ADAMTS3: variants seen among roughly 807,000 people sequenced by gnomAD.
ADAMTS3 encodes the protein A disintegrin and metalloproteinase with thrombospondin motifs 3.
A neutral mutation model predicts 129.0 loss-of-function variants in ADAMTS3; 73 were observed. The observed-to-expected ratio is 0.57, with a 90% CI of 0.47 to 0.69. ADAMTS3 has a LOEUF of 0.69. ADAMTS3 is among the 30% of genes least tolerant of loss of function. ADAMTS3 has a pLI of 0.00. For missense variants in ADAMTS3, 1,457 were observed against 1,514.5 expected (o/e 0.96, Z 0.63); for synonymous variants, 477 against 510.8 (o/e 0.93, Z 0.89).
At chr4:72,480,283 T>C (rs1476719102) in intron 3 of ADAMTS3, among the ~76,000 whole-genome samples, 1 of 152,116 alleles carries the variant, frequency 6.6e-6, no homozygotes, top group Admixed American at 6.5e-5. Context: ...TAGCAAAGAC[T>C]TGGAACCAAC....
chr4:72,354,039 G>GT (rs1302857372), intron 4 of ADAMTS3, among the ~76,000 whole-genome samples: 2 of 151,946 alleles, frequency 1.3e-5, no homozygotes, highest in Non-Finnish European at 2.9e-5. Flanking sequence ...TTCAGAAAGT[G>GT]TACCAAAGGC....
At chr4:72,398,592 C>A (rs1289358977) in intron 4 of ADAMTS3, among the ~76,000 whole-genome samples, 3 of 151,794 alleles carry the variant, frequency 2.0e-5, no homozygotes, top group African/African-American at 7.3e-5. Context: ...TAAATAAATA[C>A]ATACATACAT....
intron 3 of ADAMTS3, 77 bp from the exon 4 acceptor site, chr4:72,415,048 T>G (rs1216895668): frequency 9.0e-7 from 1 of 1,109,126 alleles, no homozygotes; most frequent in Non-Finnish European, 1.2e-6. Context: ...TCTTTTTAAA[T>G]GTCAAGAATA....
At position 72,462,701 on chromosome 4, in the gene ADAMTS3, T is replaced by C. The variant is rs193152328; in HGVS notation, c.505-47730A>G. Among the ~76,000 whole-genome samples the C allele has an allele frequency of 2.4e-3, 372 of 151,988 alleles. 3 individuals carry two copies. Among genetic ancestry groups the C allele is most frequent in the Admixed American group, 6.0e-3 (92 of 15,212 alleles). On this transcript the variant is annotated intron_variant, in intron 3 of 21. Transcript: ENST00000286657. ...GTTCGTGTTTTAGTTTTTAATGAAA[T>C]AGTTTAAACATGTTTTAAATTTAAA...
In ADAMTS3 at chr4:72,309,670, AG is replaced by A. The variant is rs539343294; in HGVS notation, c.2056-151del. 8.9e-3 allele frequency: 6,524 copies of A among 733,574 alleles called. 43 individuals carry two copies. The highest frequency in any genetic ancestry group is 0.011 in the South Asian group (379 of 34,854). 45.4% of individuals were successfully genotyped at this position (733,574 alleles called of 1,614,324 possible). A position where few individuals can be genotyped will look rare whatever the true frequency, so the allele number is the denominator to read the frequency against. ...CTGTAGTCATAATTTTTAATACCTC[AG>A]TTTTTTAAAAAAAATAATGGGAAAC... On this transcript the variant is annotated intron_variant, in intron 14 of 21. Coordinates refer to ENST00000286657, the MANE Select transcript of ADAMTS3 (RefSeq NM_014243.3).
At chr4:72,439,624 T>TA (rs1238127730) in intron 3 of ADAMTS3, among the ~76,000 whole-genome samples, 1 of 151,652 alleles carries the variant, frequency 6.6e-6, no homozygotes, top group Non-Finnish European at 1.5e-5. Flanking sequence ...AAATGTTATT[T>TA]AAAAAAATCA....
chr4:72,423,014 GTT>G (rs1722484948), intron 3 of ADAMTS3, among the ~76,000 whole-genome samples: 1 of 152,086 alleles, frequency 6.6e-6, no homozygotes, highest in Admixed American at 6.6e-5. Context: ...AAATTACAAT[GTT>G]TTCTTAAAAT....
chr4:72,334,458 G>GT (rs1719938967), intron 5 of ADAMTS3, among the ~76,000 whole-genome samples: 2 of 152,036 alleles, frequency 1.3e-5, no homozygotes, highest in South Asian at 4.2e-4. Context: ...TGCACTCAAG[G>GT]AACAATCAAC....
chr4:72,373,949 ATAG>A (rs1721078336), intron 4 of ADAMTS3, among the ~76,000 whole-genome samples: 1 of 135,118 alleles, frequency 7.4e-6, no homozygotes, highest in African/African-American at 2.7e-5. Flanking sequence ...AATAATAATA[ATAG>A]GAAAGTATCT....
chr4:72,368,776 C>A (rs1720932234), intron 4 of ADAMTS3, among the ~76,000 whole-genome samples: 1 of 152,126 alleles, frequency 6.6e-6, no homozygotes, highest in Non-Finnish European at 1.5e-5. Flanking sequence ...AAATTAGTCA[C>A]AAGTAATCTA....
intron 3 of ADAMTS3, among the ~76,000 whole-genome samples, chr4:72,525,664 T>C (rs1430313476): frequency 2.0e-5 from 3 of 152,316 alleles, no homozygotes; most frequent in East Asian, 1.9e-4. Flanking sequence ...TCTGTTTTCC[T>C]AGGCTTTGCT....
chr4:72,374,442 G>A (rs1013881950), intron 4 of ADAMTS3, among the ~76,000 whole-genome samples: 29 of 152,034 alleles, frequency 1.9e-4, no homozygotes, highest in African/African-American at 5.3e-4. Flanking sequence ...GACTGTACTC[G>A]AATTATTATA....
chr4:72,559,833 T>G (rs7686365), intron 2 of ADAMTS3, among the ~76,000 whole-genome samples: 1 of 151,272 alleles, frequency 6.6e-6, no homozygotes, highest in Non-Finnish European at 1.5e-5. Flanking sequence ...ACAGAATTTT[T>G]AAAAAACTAT....
chr4:72,501,927 T>C (rs895764546), intron 3 of ADAMTS3, among the ~76,000 whole-genome samples: 3 of 140,760 alleles, frequency 2.1e-5, no homozygotes, highest in Non-Finnish European at 3.1e-5. Flanking sequence ...TTGATTTGTG[T>C]TTGTTGAACA....
chr4:72,363,509 A>T (rs185286667), intron 4 of ADAMTS3, among the ~76,000 whole-genome samples: 3 of 152,208 alleles, frequency 2.0e-5, no homozygotes. Context: ...TCCCAGTGAA[A>T]TTTTTTTGCA....
At chr4:72,298,572 GT>G in intron 17 of ADAMTS3, 130 bp from the exon 18 acceptor site, 1 of 676,122 alleles carries the variant, frequency 1.5e-6, no homozygotes, top group Non-Finnish European at 2.3e-6. Flanking sequence ...AAATTATAAT[GT>G]TTTTATTTCT....
chr4:72,352,104 A>G (rs1164773300), intron 4 of ADAMTS3, among the ~76,000 whole-genome samples: 1 of 152,004 alleles, frequency 6.6e-6, no homozygotes, highest in Admixed American at 6.6e-5. Flanking sequence ...TTTAAAGATT[A>G]TATGTTTTTA....
chr4:72,539,491 G>GAAAAAAAAAAAAAA (rs71215438), intron 3 of ADAMTS3, among the ~76,000 whole-genome samples: 6 of 86,602 alleles, frequency 6.9e-5, no homozygotes, highest in Admixed American at 1.5e-4. Context: ...GCTACTATCA[G>GAAAAAAAAAAAAAA]AAAAAAAAAA....
intron 3 of ADAMTS3, among the ~76,000 whole-genome samples, chr4:72,538,340 T>C (rs1338004477): frequency 2.0e-5 from 3 of 152,112 alleles, no homozygotes; most frequent in Non-Finnish European, 4.4e-5. Context: ...AAATACATTG[T>C]AATTAAATTG....
Sources: gnomAD v4.1 joint callset for allele counts (sites outside exome capture counted in the v4.1 genomes callset) on GRCh38, gnomAD v4.1.1 for gene constraint, MANE v1.5 for transcripts, NCBI Gene and HGNC (gene_info 2026-07-23, HGNC 2026-07-21) for gene names.